RFX3: variants seen among roughly 807,000 people sequenced by gnomAD.
RFX3 encodes the protein regulatory factor X3.
A neutral mutation model predicts 98.6 loss-of-function variants in RFX3; 14 were observed. That is an observed-to-expected ratio of 0.14 (90% CI 0.09 to 0.22). RFX3 has a LOEUF of 0.22. RFX3 is among the 10% of genes least tolerant of loss of function. The pLI is 1.00. For missense variants in RFX3, 639 were observed against 926.9 expected (o/e 0.69, Z 4.03); for synonymous variants, 383 against 328.4 (o/e 1.17, Z -1.80).
At chr9:3,372,630 C>G (rs1837989898) in intron 2 of RFX3, among the ~76,000 whole-genome samples, 1 of 151,354 alleles carries the variant, frequency 6.6e-6, no homozygotes, top group Non-Finnish European at 1.5e-5. Context: ...TCACTGCAAC[C>G]TCTGCCCCCC....
chr9:3,434,476 C>G (rs1371333057), intron 1 of RFX3, among the ~76,000 whole-genome samples: 1 of 152,084 alleles, frequency 6.6e-6, no homozygotes, highest in Non-Finnish European at 1.5e-5. Context: ...ACTACAAAAG[C>G]TAGTTGTTGA....
chr9:3,237,787 T>C (rs369533550), intron 15 of RFX3, among the ~76,000 whole-genome samples: 4 of 152,158 alleles, frequency 2.6e-5, no homozygotes, highest in Admixed American at 1.3e-4. Flanking sequence ...ATGGGAAATA[T>C]AGAATTTAAA....
intron 3 of RFX3, among the ~76,000 whole-genome samples, chr9:3,333,388 T>TAAA (rs1356948110): frequency 6.6e-6 from 1 of 151,038 alleles, no homozygotes; most frequent in Non-Finnish European, 1.5e-5. Flanking sequence ...CAAATCCAGG[T>TAAA]AAAAAGTTTA....
At chr9:3,483,623 C>T (rs1323892524) in intron 1 of RFX3, among the ~76,000 whole-genome samples, 1 of 152,104 alleles carries the variant, frequency 6.6e-6, no homozygotes, top group Non-Finnish European at 1.5e-5. Context: ...CTTATAAAAG[C>T]ACAATAATTC....
At chr9:3,266,532 C>T (rs926798100) in intron 11 of RFX3, among the ~76,000 whole-genome samples, 16 of 151,768 alleles carry the variant, frequency 1.1e-4, no homozygotes, top group South Asian at 4.1e-4. Context: ...ATACTTATGA[C>T]GCTTTTTTGG....
At chr9:3,308,076 T>C (rs1043969789) in intron 4 of RFX3, among the ~76,000 whole-genome samples, 2 of 152,184 alleles carry the variant, frequency 1.3e-5, no homozygotes, top group African/African-American at 4.8e-5. Flanking sequence ...TTGTTTATTA[T>C]TTAAAAAATC....
chr9:3,302,833 A>C (rs939149132), intron 4 of RFX3, among the ~76,000 whole-genome samples: 1 of 151,824 alleles, frequency 6.6e-6, no homozygotes, highest in African/African-American at 2.4e-5. Flanking sequence ...AATTATACCA[A>C]CATTAAATCT....
intron 1 of RFX3, among the ~76,000 whole-genome samples, chr9:3,467,434 C>T (rs992147781): frequency 9.3e-5 from 14 of 151,226 alleles, no homozygotes; most frequent in African/African-American, 3.4e-4. Context: ...CTATATCATA[C>T]ATTAAGGCTT....
chr9:3,505,321 T>TAAAATAAAATAAA (rs1410575541), intron 1 of RFX3, among the ~76,000 whole-genome samples: 2 of 96,174 alleles, frequency 2.1e-5, no homozygotes, highest in African/African-American at 1.0e-4. Flanking sequence ...TATATTAATG[T>TAAAATAAAATAAA]ATATTTATAT....
chr9:3,425,517 C>A (rs1043563347), intron 1 of RFX3, among the ~76,000 whole-genome samples: 3 of 152,194 alleles, frequency 2.0e-5, no homozygotes, highest in Non-Finnish European at 2.9e-5. Flanking sequence ...TGTACCATAT[C>A]GTTCCCCATG....
At chr9:3,272,129 G>C (rs963107969) in intron 9 of RFX3, among the ~76,000 whole-genome samples, 2 of 151,826 alleles carry the variant, frequency 1.3e-5, no homozygotes, top group Non-Finnish European at 2.9e-5. Flanking sequence ...TAAGCCTTCA[G>C]GTAAAAGCAG....
chr9:3,452,758 A>G (rs1238969186), intron 1 of RFX3, among the ~76,000 whole-genome samples: 6 of 152,196 alleles, frequency 3.9e-5, no homozygotes, highest in African/African-American at 1.2e-4. Context: ...GCTATTTAAA[A>G]ACTTATTATA....
intron 1 of RFX3, among the ~76,000 whole-genome samples, chr9:3,429,195 TG>T (rs547592177): frequency 0.01 from 1,544 of 151,174 alleles, 24 homozygotes; most frequent in African/African-American, 0.035. Context: ...GCTAATTTTT[TG>T]TATTTTTAGT....
intron 8 of RFX3, among the ~76,000 whole-genome samples, chr9:3,276,999 A>T (rs1825311893): frequency 2.0e-5 from 3 of 152,092 alleles, no homozygotes; most frequent in Admixed American, 2.0e-4. Context: ...TACATAGGAA[A>T]TGAGAATTCT....
At chr9:3,408,157 G>A (rs555097876) in intron 1 of RFX3, among the ~76,000 whole-genome samples, 46 of 152,266 alleles carry the variant, frequency 3.0e-4, no homozygotes, top group African/African-American at 1.0e-3. Context: ...GTTGCTCCCT[G>A]ACCTTTACAT....
intron 2 of RFX3, among the ~76,000 whole-genome samples, chr9:3,377,699 A>C (rs1387764428): frequency 6.6e-6 from 1 of 152,204 alleles, no homozygotes; most frequent in Non-Finnish European, 1.5e-5. Context: ...ATTTTCCTAG[A>C]ATTTGGATGG....
In RFX3 at chr9:3,277,471, T is replaced by G. The variant is rs534259093; in HGVS notation, c.852-10A>C. 1.9e-6 allele frequency: 3 copies of G among 1,609,826 alleles called. No homozygotes were observed. The South Asian group carries it at 3.3e-5, about 18-fold the overall frequency. ...CTGCATAGGCTTGTACCTAAAAATA[T>G]TAGATGGAAAAAAACAAATAAACCA... On this transcript the variant is annotated splice_polypyrimidine_tract_variant and intron_variant, in intron 7 of 16. Coordinates refer to ENST00000617270, the MANE Select transcript of RFX3 (RefSeq NM_001282116.2).
intron 1 of RFX3, among the ~76,000 whole-genome samples, chr9:3,465,361 G>C (rs932400008): frequency 3.3e-5 from 5 of 151,648 alleles, no homozygotes; most frequent in Non-Finnish European, 5.9e-5. Context: ...CATGATCTCA[G>C]CTCACCACAA....
chr9:3,364,574 TCCAGGCAGATGATG>T (rs1836828671), intron 2 of RFX3: 2 of 164,076 alleles, frequency 1.2e-5, no homozygotes, highest in African/African-American at 2.4e-5. Flanking sequence ...GTTGATGCCA[TCCAGGCAGATGATG>T]CTCAACCAAG....
Sources: gnomAD v4.1 joint callset for allele counts (sites outside exome capture counted in the v4.1 genomes callset) on GRCh38, gnomAD v4.1.1 for gene constraint, MANE v1.5 for transcripts, NCBI Gene and HGNC (gene_info 2026-07-23, HGNC 2026-07-21) for gene names.